The following DGKB variants were observed in gnomAD, a reference collection of about 807,000 sequenced individuals.
DGKB encodes the protein diacylglycerol kinase beta, also known as 90 kDa diacylglycerol kinase.
A neutral mutation model predicts 114.3 loss-of-function variants in DGKB; 67 were observed. The ratio of observed to expected loss-of-function variants is 0.59; its 90% CI spans 0.48 to 0.72. DGKB has a LOEUF of 0.72. DGKB is among the 30% of genes least tolerant of loss of function. The pLI, the probability that DGKB is intolerant of heterozygous loss-of-function variation, is 0.00. For missense variants in DGKB, 907 were observed against 975.2 expected, an observed-to-expected ratio of 0.93 and a Z score of 0.93; for synonymous variants, 398 against 323.1, an observed-to-expected ratio of 1.23 and a Z score of -2.49.
intron 23 of DGKB, among the ~76,000 whole-genome samples, chr7:14,253,055 G>T (rs184497648): frequency 3.3e-5 from 5 of 150,588 alleles, no homozygotes; most frequent in Non-Finnish European, 7.4e-5. Context: ...TTTTTTTAGA[G>T]GGGGAGTCTC....
intron 1 of DGKB, among the ~76,000 whole-genome samples, chr7:14,880,528 C>G (rs1288953949): frequency 1.3e-5 from 2 of 152,102 alleles, no homozygotes; most frequent in East Asian, 3.9e-4. Context: ...TTGCTAGTTA[C>G]TCAAGATCAA....
chr7:14,618,493 C>T (rs1585141019), intron 15 of DGKB, among the ~76,000 whole-genome samples: 1 of 151,668 alleles, frequency 6.6e-6, no homozygotes, highest in South Asian at 2.1e-4. Flanking sequence ...AACAATTGTT[C>T]TGTTTTTCTC....
intron 23 of DGKB, among the ~76,000 whole-genome samples, chr7:14,278,471 A>G (rs1036309209): frequency 1.3e-5 from 2 of 152,200 alleles, no homozygotes; most frequent in Non-Finnish European, 2.9e-5. Context: ...TCCCTATCTC[A>G]TACCATGTTC....
chr7:14,152,901 G>T (rs1185360566), intron 25 of DGKB, among the ~76,000 whole-genome samples: 1 of 152,050 alleles, frequency 6.6e-6, no homozygotes, highest in African/African-American at 2.4e-5. Flanking sequence ...TTTGCTAAGT[G>T]TTTTACACAC....
intron 23 of DGKB, among the ~76,000 whole-genome samples, chr7:14,218,730 G>T (rs559179887): frequency 6.6e-6 from 1 of 151,274 alleles, no homozygotes. Context: ...CCGGGACAGA[G>T]TTTTTTTTTA....
At chr7:14,183,719 T>G (rs566678432) in intron 23 of DGKB, among the ~76,000 whole-genome samples, 111 of 152,334 alleles carry the variant, frequency 7.3e-4, no homozygotes, top group African/African-American at 2.6e-3. Flanking sequence ...ATAGGTATGC[T>G]TGACTCTAAA....
At chr7:14,656,449 A>C (rs1815807240) in intron 13 of DGKB, among the ~76,000 whole-genome samples, 1 of 151,632 alleles carries the variant, frequency 6.6e-6, no homozygotes, top group South Asian at 2.1e-4. Context: ...AAATTAATAT[A>C]GGAATGATGG....
chr7:14,145,693 G>C lies in DGKB; in HGVS notation c.*3438C>G, dbSNP rs951075209. On this transcript the variant is annotated 3_prime_UTR_variant, in exon 26 of 26. Transcript: ENST00000402815. ...AGGCTGGTCTTGAACTCCTGACCTTGTGATCTGCCTGCCTCTGTCTCCCAA... is the reference window on the plus strand; with the variant it reads ...AGGCTGGTCTTGAACTCCTGACCTTCTGATCTGCCTGCCTCTGTCTCCCAA... 6.6e-6 allele frequency: 1 copy of C among 152,158 alleles called. No individual in the cohort carries two copies. The highest frequency in any genetic ancestry group is 6.6e-5 in the Admixed American group (1 of 15,256). 9.4% of individuals were successfully genotyped at this position (152,158 alleles called of 1,614,324 possible).
intron 1 of DGKB, among the ~76,000 whole-genome samples, chr7:14,923,415 G>C (rs1380430628): frequency 3.3e-5 from 5 of 152,078 alleles, no homozygotes; most frequent in Non-Finnish European, 7.4e-5. Flanking sequence ...ATATAAATGA[G>C]ATTATATGCT....
At chr7:14,536,115 CACTTTAAAGAT>C (rs1207334822) in intron 20 of DGKB, among the ~76,000 whole-genome samples, 30 of 151,478 alleles carry the variant, frequency 2.0e-4, no homozygotes, top group African/African-American at 7.3e-4. Flanking sequence ...GAAATAGAAA[CACTTTAAAGAT>C]CGGTAATGAA....
chr7:14,719,718 G>A (rs1035079408), intron 5 of DGKB, among the ~76,000 whole-genome samples: 8 of 152,072 alleles, frequency 5.3e-5, no homozygotes, highest in Non-Finnish European at 8.8e-5. Flanking sequence ...CTATCACCTC[G>A]TCAAGCCATC....
intron 2 of DGKB, among the ~76,000 whole-genome samples, chr7:14,774,496 C>T (rs904073753): frequency 1.3e-5 from 2 of 152,142 alleles, no homozygotes; most frequent in Non-Finnish European, 2.9e-5. Context: ...TATTACTTTG[C>T]TATAGCATAC....
chr7:14,453,123 C>T (rs191173768), intron 21 of DGKB, among the ~76,000 whole-genome samples: 2 of 152,226 alleles, frequency 1.3e-5, no homozygotes, highest in Non-Finnish European at 2.9e-5. Context: ...CTCATTTACT[C>T]TTTTGTACTC....
chr7:14,731,067 C>T (rs145342850), intron 5 of DGKB, among the ~76,000 whole-genome samples: 1 of 152,142 alleles, frequency 6.6e-6, no homozygotes, highest in African/African-American at 2.4e-5. Context: ...ACAATGAGTA[C>T]TAGAGAGTAT....
chr7:14,907,578 G>T (rs1172573046), upstream of DGKB, among the ~76,000 whole-genome samples: 1 of 152,132 alleles, frequency 6.6e-6, no homozygotes, highest in Admixed American at 6.6e-5. Context: ...TGTGCACAGG[G>T]GTAATGGTTT....
intron 20 of DGKB, among the ~76,000 whole-genome samples, chr7:14,567,501 T>TTATATAATTATATATTTATATATTA (rs1563536490): frequency 4.4e-5 from 4 of 90,554 alleles, no homozygotes; most frequent in South Asian, 2.7e-4. Flanking sequence ...TTATATATAA[T>TTATATAATTATATATTTATATATTA]TATATAATTA....
chr7:14,523,127 G>C (rs1384165081), intron 20 of DGKB, among the ~76,000 whole-genome samples: 1 of 152,102 alleles, frequency 6.6e-6, no homozygotes, highest in Non-Finnish European at 1.5e-5. Context: ...AGATTAAATG[G>C]ATGTTAGATA....
At chr7:14,300,968 C>G (rs1441452662) in intron 23 of DGKB, among the ~76,000 whole-genome samples, 1 of 78,672 alleles carries the variant, frequency 1.3e-5, no homozygotes, top group African/African-American at 3.7e-5. Context: ...AATCCTCTAA[C>G]TGGATGCAGA....
intron 25 of DGKB, among the ~76,000 whole-genome samples, chr7:14,159,109 C>G (rs71538865): frequency 0.055 from 8,427 of 152,124 alleles, 303 homozygotes; most frequent in Non-Finnish European, 0.078. Context: ...CCATGTTACC[C>G]TTAAATTAAA....
Sources: gnomAD v4.1 joint callset for allele counts (sites outside exome capture counted in the v4.1 genomes callset) on GRCh38, gnomAD v4.1.1 for gene constraint, MANE v1.5 for transcripts, NCBI Gene and HGNC (gene_info 2026-07-23, HGNC 2026-07-21) for gene names.